Variants in ABR observed in about 807,000 individuals in gnomAD.
ABR encodes active breakpoint cluster region-related protein.
ABR carries 35 observed loss-of-function variants against 107.2 expected under a neutral mutation model. That is an observed-to-expected ratio of 0.33 (90% CI 0.25 to 0.43). ABR has a LOEUF of 0.43. ABR is among the 20% of genes least tolerant of loss of function. The pLI, the probability that ABR is intolerant of heterozygous loss-of-function variation, is 1.00. For synonymous variants in ABR, 498 were observed against 462.0 expected (o/e 1.08, Z -1.00); for missense variants, 815 against 1,115.2 (o/e 0.73, Z 3.83).
intron 1 of ABR, among the ~76,000 whole-genome samples, chr17:1,129,948 A>T (rs1024893283): frequency 6.6e-6 from 1 of 152,174 alleles, no homozygotes; most frequent in Non-Finnish European, 1.5e-5. Context: ...CTCTGTCTCG[A>T]AACAACCAAC....
At chr17:1,091,249 C>A (rs959631360) in intron 4 of ABR, among the ~76,000 whole-genome samples, 12 of 152,242 alleles carry the variant, frequency 7.9e-5, no homozygotes, top group Admixed American at 7.8e-4. Context: ...CAGCAAGAAG[C>A]CTTCATTCCA....
At chr17:1,056,248 A>C in intron 13 of ABR, 139 bp from the exon 14 acceptor site, 1 of 760,542 alleles carries the variant, frequency 1.3e-6, no homozygotes, top group Non-Finnish European at 2.2e-6. Context: ...GCCAGATGAA[A>C]AAGTTTCCGA....
At chr17:1,057,188 C>T (rs980973161) in intron 12 of ABR, 86 bp from the exon 13 acceptor site, 31 of 872,418 alleles carry the variant, frequency 3.6e-5, no homozygotes, top group Middle Eastern at 2.6e-4. Flanking sequence ...TGCAGGAAGA[C>T]GGCTTAATCC....
intron 16 of ABR, among the ~76,000 whole-genome samples, chr17:1,025,785 C>T (rs2072147389): frequency 6.6e-6 from 1 of 152,162 alleles, no homozygotes; most frequent in Non-Finnish European, 1.5e-5. Context: ...CGGCAAGGAT[C>T]TCATTTGTTG....
intron 6 of ABR, among the ~76,000 whole-genome samples, chr17:1,074,410 C>T (rs947827281): frequency 6.6e-5 from 10 of 151,198 alleles, no homozygotes; most frequent in Admixed American, 1.3e-4. Flanking sequence ...ACACGCAGAA[C>T]CCCAGAATCA....
intron 1 of ABR, among the ~76,000 whole-genome samples, chr17:1,178,802 G>C (rs551050332): frequency 6.6e-6 from 1 of 151,776 alleles, no homozygotes; most frequent in African/African-American, 2.4e-5. Flanking sequence ...CTCAGGGAAG[G>C]GTGGGGAGAA....
At chr17:1,073,826 T>C in intron 6 of ABR, 149 bp from the exon 7 acceptor site, 1 of 642,024 alleles carries the variant, frequency 1.6e-6, no homozygotes, top group Non-Finnish European at 2.6e-6. Context: ...AGCCCCCACC[T>C]CTGTTCTCAC....
chr17:1,050,391 A>G lies in ABR; in HGVS notation c.1659+146T>C. 2.1e-6 allele frequency: 2 copies of G among 953,660 alleles called. No homozygotes were observed. The highest frequency in any genetic ancestry group is 1.6e-6 in the Non-Finnish European group (1 of 622,134). 59.1% of individuals were successfully genotyped at this position (953,660 alleles called of 1,614,324 possible). ...CACAGGGTCTGACACCCAGACACAC[A>G]CCGCGATCAGAAGCCAGAGGAGCAG... is the stretch of plus-strand genomic sequence containing the variant. On this transcript the variant is annotated intron_variant, in intron 15 of 22. Transcript: ENST00000302538. This position sits in a 1 kb window ranked among gnomAD's most constrained non-coding sequence, Gnocchi z 4.6.
At chr17:1,101,845 T>G (rs112735193) in intron 2 of ABR, among the ~76,000 whole-genome samples, 1 of 151,878 alleles carries the variant, frequency 6.6e-6, no homozygotes, top group Non-Finnish European at 1.5e-5. Context: ...GCCATTCTCC[T>G]GCCTCAGCCT....
At chr17:1,129,752 G>T (rs1335234460) in intron 1 of ABR, among the ~76,000 whole-genome samples, 1 of 152,116 alleles carries the variant, frequency 6.6e-6, no homozygotes, top group Non-Finnish European at 1.5e-5. Flanking sequence ...TTCAAGAACA[G>T]CCTGGCCAAC....
At chr17:1,024,217 C>T (rs999021471) in intron 16 of ABR, among the ~76,000 whole-genome samples, 9 of 152,120 alleles carry the variant, frequency 5.9e-5, no homozygotes, top group East Asian at 1.9e-4. Context: ...CCGAGTCTCA[C>T]GTTCAGTGGC....
intron 1 of ABR, among the ~76,000 whole-genome samples, chr17:1,225,683 C>T (rs1339717072): frequency 6.6e-6 from 1 of 151,998 alleles, no homozygotes; most frequent in Non-Finnish European, 1.5e-5. Context: ...AGAAGCAACT[C>T]AAAGAAAAAT....
intron 4 of ABR, among the ~76,000 whole-genome samples, chr17:1,089,976 T>C (rs1456657078): frequency 6.6e-6 from 1 of 152,012 alleles, no homozygotes; most frequent in Non-Finnish European, 1.5e-5. Flanking sequence ...AAAAAGGAAA[T>C]GCAGTCCGTC....
At chr17:1,180,601 CAGG>C (rs1324683238), upstream of ABR, among the ~76,000 whole-genome samples, 2 of 152,210 alleles carry the variant, frequency 1.3e-5, no homozygotes, top group African/African-American at 2.4e-5. Context: ...AAACTGGAGC[CAGG>C]AGAAGCCCCA....
chr17:1,146,148 C>T (rs932456480), intron 1 of ABR, among the ~76,000 whole-genome samples: 9 of 152,070 alleles, frequency 5.9e-5, no homozygotes, highest in Non-Finnish European at 1.2e-4. Flanking sequence ...CTTGGACATT[C>T]GACGTCACCA....
At chr17:1,031,914 T>G in intron 16 of ABR, 7 of 654,040 alleles carry the variant, frequency 1.1e-5, no homozygotes, top group Non-Finnish European at 1.3e-5. Flanking sequence ...CCCTCCTCCC[T>G]CCTCCCTCCT....
chr17:1,163,027 C>A (rs562776213), intron 1 of ABR, among the ~76,000 whole-genome samples: 28 of 152,270 alleles, frequency 1.8e-4, no homozygotes, highest in Non-Finnish European at 3.4e-4. Flanking sequence ...AGCCGAGATC[C>A]TGCCATTGCA....
chr17:1,124,620 C>T (rs578172528), intron 2 of ABR, among the ~76,000 whole-genome samples: 2 of 152,378 alleles, frequency 1.3e-5, no homozygotes, highest in South Asian at 2.1e-4. Context: ...CTTAATATTC[C>T]TTCTACAATG....
chr17:1,089,639 A>T (rs2036882964), intron 4 of ABR, among the ~76,000 whole-genome samples: 1 of 152,178 alleles, frequency 6.6e-6, no homozygotes, highest in African/African-American at 2.4e-5. Flanking sequence ...AGCAGTGACC[A>T]CTGGGCTGGT....
Sources: gnomAD v4.1 joint callset for allele counts (sites outside exome capture counted in the v4.1 genomes callset) on GRCh38, gnomAD v4.1.1 for gene constraint, Gnocchi (gnomAD v3.1) non-coding constraint, MANE v1.5 for transcripts, NCBI Gene and HGNC (gene_info 2026-07-23, HGNC 2026-07-21) for gene names.